DLG2: variants seen among roughly 807,000 people sequenced by gnomAD.
DLG2 encodes the protein discs large MAGUK scaffold protein 2.
DLG2 carries 45 observed loss-of-function variants against 132.5 expected under a neutral mutation model. The ratio of observed to expected loss-of-function variants is 0.34; its 90% CI spans 0.27 to 0.44. DLG2 has a LOEUF of 0.44. Ranked by LOEUF, DLG2 falls within the 20% of genes least tolerant of loss-of-function variation. The probability of loss-of-function intolerance (pLI) is 1.00; values close to 1 mark genes in which losing one functional copy is unlikely to be tolerated. For synonymous variants in DLG2, 424 were observed against 419.6 expected, an observed-to-expected ratio of 1.01 and a Z score of -0.13; for missense variants, 1,045 against 1,196.9, an observed-to-expected ratio of 0.87 and a Z score of 1.87.
intron 17 of DLG2, among the ~76,000 whole-genome samples, chr11:83,825,904 G>A (rs533814898): frequency 1.5e-4 from 23 of 152,132 alleles, no homozygotes; most frequent in Non-Finnish European, 3.2e-4. Context: ...GTTATGCCAA[G>A]GTGTGAAAAT....
chr11:83,512,982 C>A (rs1393712883), intron 21 of DLG2, among the ~76,000 whole-genome samples: 5 of 152,202 alleles, frequency 3.3e-5, no homozygotes, highest in East Asian at 1.9e-4. Flanking sequence ...AATAGTGCCG[C>A]AATAAACATA....
chr11:85,439,001 C>T (rs2091637450), intron 3 of DLG2, among the ~76,000 whole-genome samples: 1 of 152,158 alleles, frequency 6.6e-6, no homozygotes, highest in Non-Finnish European at 1.5e-5. Context: ...AGTCATCCAA[C>T]TTATGTATAT....
At chr11:84,204,900 T>C (rs1390835456) in intron 8 of DLG2, among the ~76,000 whole-genome samples, 1 of 152,018 alleles carries the variant, frequency 6.6e-6, no homozygotes, top group African/African-American at 2.4e-5. Context: ...GATGGGATTT[T>C]GCCATACTGG....
intron 6 of DLG2, among the ~76,000 whole-genome samples, chr11:84,605,981 C>T (rs2154535645): frequency 6.6e-6 from 1 of 152,092 alleles, no homozygotes; most frequent in East Asian, 1.9e-4. Flanking sequence ...TTTTGAATGT[C>T]TTCAGTGCAT....
At chr11:84,539,962 T>C (rs991773628) in intron 6 of DLG2, among the ~76,000 whole-genome samples, 7 of 152,114 alleles carry the variant, frequency 4.6e-5, no homozygotes, top group African/African-American at 1.7e-4. Flanking sequence ...ATTTAATAAA[T>C]GGTGCTGGGA....
rs2095753755 is a variant in DLG2, at chr11:84,033,098, A to G, written c.919+26217T>C. Among the ~76,000 whole-genome samples the G allele has an allele frequency of 4.6e-5, 7 of 152,336 alleles. No homozygotes were observed. The South Asian group carries it at 1.4e-3, about 32-fold the overall frequency. On this transcript the variant is annotated intron_variant, in intron 11 of 27. Coordinates refer to ENST00000376104, the MANE Select transcript of DLG2 (RefSeq NM_001142699.3). ...TTTCATGTCCACTAACACGATATCC[A>G]TTCTACAGCCCATGGATCAAGGGGT... is the stretch of plus-strand genomic sequence containing the variant.
At chr11:83,654,716 C>T (rs1306915743) in intron 18 of DLG2, among the ~76,000 whole-genome samples, 6 of 152,150 alleles carry the variant, frequency 3.9e-5, no homozygotes, top group Non-Finnish European at 5.9e-5. Context: ...CTTGTATGAG[C>T]GACTTAAATA....
intron 7 of DLG2, among the ~76,000 whole-genome samples, chr11:84,446,705 A>G (rs971008941): frequency 3.3e-5 from 5 of 152,144 alleles, no homozygotes; most frequent in Non-Finnish European, 7.4e-5. Context: ...AAGTTTTTAA[A>G]AAGTCCTTTC....
chr11:85,620,104 C>T (rs550570524), intron 2 of DLG2, among the ~76,000 whole-genome samples: 4 of 152,144 alleles, frequency 2.6e-5, no homozygotes, highest in African/African-American at 4.8e-5. Flanking sequence ...CATGTCTCTG[C>T]GTCACATTTT....
chr11:83,571,604 A>G (rs1288930209), intron 19 of DLG2, among the ~76,000 whole-genome samples: 1 of 152,128 alleles, frequency 6.6e-6, no homozygotes, highest in African/African-American at 2.4e-5. Flanking sequence ...AAAAAAAAAA[A>G]AAAAAAGTAC....
intron 6 of DLG2, among the ~76,000 whole-genome samples, chr11:85,001,359 C>T (rs1235508728): frequency 6.6e-6 from 1 of 152,108 alleles, no homozygotes; most frequent in Non-Finnish European, 1.5e-5. Flanking sequence ...GAATAAACCA[C>T]ATTAACAGAT....
chr11:84,846,092 T>C (rs1211281236), intron 6 of DLG2, among the ~76,000 whole-genome samples: 1 of 152,102 alleles, frequency 6.6e-6, no homozygotes, highest in Non-Finnish European at 1.5e-5. Flanking sequence ...GGTTCTCTTA[T>C]CTGTAACTCC....
chr11:84,143,985 T>C (rs573512378), intron 9 of DLG2, among the ~76,000 whole-genome samples: 20 of 152,116 alleles, frequency 1.3e-4, no homozygotes, highest in Non-Finnish European at 2.4e-4. Context: ...GTTTCCAAAA[T>C]TGGGGGTGGG....
intron 18 of DLG2, among the ~76,000 whole-genome samples, chr11:83,697,194 AAC>A (rs1259058022): frequency 1.3e-5 from 2 of 152,244 alleles, no homozygotes; most frequent in Admixed American, 6.5e-5. Context: ...AAGTGCCTTG[AAC>A]AGTGCTTAGC....
chr11:83,734,495 G>A (rs1400266074), intron 18 of DLG2, among the ~76,000 whole-genome samples: 1 of 151,214 alleles, frequency 6.6e-6, no homozygotes, highest in East Asian at 2.0e-4. Context: ...GTGTCACCCA[G>A]GCTGGAGTGC....
chr11:85,412,748 C>CATAT (rs1565454340), intron 3 of DLG2, among the ~76,000 whole-genome samples: 1 of 133,572 alleles, frequency 7.5e-6, no homozygotes. Context: ...CACACACACA[C>CATAT]ACACACACAC....
At chr11:84,652,030 G>C (rs2099682647) in intron 6 of DLG2, among the ~76,000 whole-genome samples, 1 of 152,096 alleles carries the variant, frequency 6.6e-6, no homozygotes, top group South Asian at 2.1e-4. Context: ...GTTTTAGAGG[G>C]AAGAGAGGAA....
At chr11:85,612,912 C>A (rs1024615026) in intron 2 of DLG2, among the ~76,000 whole-genome samples, 1 of 152,204 alleles carries the variant, frequency 6.6e-6, no homozygotes, top group African/African-American at 2.4e-5. Flanking sequence ...CAACCCCAAA[C>A]AGACTCTTTG....
intron 7 of DLG2, among the ~76,000 whole-genome samples, chr11:84,507,753 C>T (rs369488754): frequency 2.6e-5 from 4 of 152,156 alleles, no homozygotes; most frequent in East Asian, 1.9e-4. Flanking sequence ...CATTTAATTC[C>T]GTTTATGTGG....
Sources: allele counts gnomAD v4.1 joint callset (sites outside exome capture counted in the v4.1 genomes callset), GRCh38; gene constraint gnomAD v4.1.1; transcripts MANE v1.5; gene names NCBI Gene and HGNC (gene_info 2026-07-23, HGNC 2026-07-21).